The following SCN10A variants were observed in gnomAD, a reference collection of about 807,000 sequenced individuals.
The protein encoded by SCN10A is sodium channel protein type 10 subunit alpha.
A neutral mutation model predicts 170.7 loss-of-function variants in SCN10A; 162 were observed. That is an observed-to-expected ratio of 0.95 (90% CI 0.84 to 1.08). The LOEUF (loss-of-function observed/expected upper bound fraction) is 1.08. Ranked by LOEUF, SCN10A falls within the 50% of genes least tolerant of loss-of-function variation. The pLI is 0.00. For missense variants in SCN10A, 2,527 were observed against 2,436.9 expected, an observed-to-expected ratio of 1.04 and a Z score of -0.78; for synonymous variants, 985 against 904.6, an observed-to-expected ratio of 1.09 and a Z score of -1.59.
At chr3:38,749,425 G>A (rs752360938) in intron 13 of SCN10A, among the ~76,000 whole-genome samples, 5 of 152,178 alleles carry the variant, frequency 3.3e-5, no homozygotes, top group Non-Finnish European at 5.9e-5. Context: ...ATGCAATCAC[G>A]CTCTATGGCA....
chr3:38,707,131 C>T (rs751778116), intron 26 of SCN10A, 148 bp downstream of exon 26: 61 of 722,588 alleles, frequency 8.4e-5, no homozygotes, highest in Non-Finnish European at 8.3e-5. Flanking sequence ...TTCCTTGGGC[C>T]TAGGAACCCT....
intron 15 of SCN10A, among the ~76,000 whole-genome samples, chr3:38,736,361 CTGTGTGTGTG>C (rs68001863): frequency 0.054 from 7,494 of 139,446 alleles, 253 homozygotes; most frequent in East Asian, 0.19. Flanking sequence ...TAGGGAAACT[CTGTGTGTGTG>C]TGTGTGTGTG....
intron 11 of SCN10A, among the ~76,000 whole-genome samples, chr3:38,755,182 A>T (rs1208288605): frequency 6.6e-6 from 1 of 152,112 alleles, no homozygotes; most frequent in Non-Finnish European, 1.5e-5. Context: ...CTTGAATTGC[A>T]GGACCTTAGG....
chr3:38,723,602 G>A lies in SCN10A; in HGVS notation c.3229-49C>T, dbSNP rs553445383. 69 of 1,547,072 alleles carry A rather than the reference G, an allele frequency of 4.5e-5. No individual in the cohort carries two copies. The African/African-American group carries it at 5.3e-4, about 12-fold the overall frequency. The stretch of plus-strand genomic sequence containing the variant: ...GTGAACTCGTCTCTCCGCGGGGCCC[G>A]GGGAATTGCACACGGTCACTGCAGG... On this transcript the variant is annotated intron_variant, in intron 18 of 27. Transcript: ENST00000449082.
chr3:38,711,779 T>C (rs1414038812), intron 23 of SCN10A, among the ~76,000 whole-genome samples: 1 of 152,232 alleles, frequency 6.6e-6, no homozygotes, highest in Non-Finnish European at 1.5e-5. Context: ...CAACATTATA[T>C]ATCATTACAA....
At chr3:38,781,574 C>T (rs544103213) in intron 4 of SCN10A, among the ~76,000 whole-genome samples, 1 of 152,252 alleles carries the variant, frequency 6.6e-6, no homozygotes, top group South Asian at 2.1e-4. Flanking sequence ...AGCATCTGAA[C>T]AACTTTTTGC....
At chr3:38,792,254 T>C in intron 2 of SCN10A, 86 bp from the exon 3 acceptor site, 1 of 1,534,642 alleles carries the variant, frequency 6.5e-7, no homozygotes, top group Non-Finnish European at 8.8e-7. Flanking sequence ...AGAGGCATTA[T>C]CTCAGGCTTA....
chr3:38,700,612 A>T (rs1413400800), intron 27 of SCN10A, among the ~76,000 whole-genome samples: 1 of 152,198 alleles, frequency 6.6e-6, no homozygotes, highest in Non-Finnish European at 1.5e-5. Context: ...TACCTCAATA[A>T]AGTGTTAAAA....
chr3:38,757,271 TCCTC>T, intron 8 of SCN10A, 112 bp from the exon 9 acceptor site: 55 of 1,041,374 alleles, frequency 5.3e-5, no homozygotes, highest in South Asian at 1.8e-4. Flanking sequence ...GACCTAGTCT[TCCTC>T]TTATTAGCAG....
At chr3:38,729,108 T>C (rs1266826356) in intron 15 of SCN10A, among the ~76,000 whole-genome samples, 2 of 152,226 alleles carry the variant, frequency 1.3e-5, no homozygotes, top group South Asian at 2.1e-4. Context: ...GGTTCATAAG[T>C]ATCAATGTGC....
rs1434381299 is a variant in SCN10A at position 38,721,880 on chromosome 3, GAGGGTGGGAAGCC to G, written c.3507+365_3507+377del. 5.3e-5 allele frequency among the ~76,000 whole-genome samples: 8 copies of G among 152,378 alleles called. No homozygotes were observed. In the South Asian group the frequency reaches 1.4e-3, roughly 28 times the overall value. ...AGAAGGCCGTGTGTTGGGGAGGTCAGAGGGTGGGAAGCCAGGGGCTTCGGGATTAAATAAGGGC... is the reference window on the plus strand; with the variant it reads ...AGAAGGCCGTGTGTTGGGGAGGTCAGAGGGGCTTCGGGATTAAATAAGGGC... On this transcript the variant is annotated intron_variant, in intron 20 of 27. Coordinates refer to ENST00000449082, the MANE Select transcript of SCN10A (RefSeq NM_006514.4).
chr3:38,769,607 T>G (rs192268894), intron 5 of SCN10A, among the ~76,000 whole-genome samples: 43 of 152,346 alleles, frequency 2.8e-4, no homozygotes, highest in Non-Finnish European at 5.7e-4. Context: ...GGAGCTAGTT[T>G]GATCTTTTGA....
chr3:38,737,795 T>TCTCTCTC, intron 15 of SCN10A, among the ~76,000 whole-genome samples: 1 of 94,184 alleles, frequency 1.1e-5, no homozygotes, highest in Admixed American at 1.3e-4. Flanking sequence ...CCTCCCTCCC[T>TCTCTCTC]TCCTCTTTCT....
chr3:38,749,165 T>C lies in SCN10A; in HGVS notation c.1867+908A>G, dbSNP rs146689576. On this transcript the variant is annotated intron_variant, in intron 13 of 27. Transcript: ENST00000449082. ...CTCTGTTTTGAAATCCCTCAAACATTTTTTTGGTTTCTATTGCTCACCACT... is the reference window on the plus strand; with the variant it reads ...CTCTGTTTTGAAATCCCTCAAACATCTTTTTGGTTTCTATTGCTCACCACT... 7.5e-4 allele frequency among the ~76,000 whole-genome samples: 114 copies of C among 152,312 alleles called. 3 individuals carry two copies. Among genetic ancestry groups the C allele is most frequent in the African/African-American group, 2.5e-3 (106 of 41,584 alleles).
At chr3:38,799,955 C>T (rs2064361740) in intron 1 of SCN10A, among the ~76,000 whole-genome samples, 1 of 152,148 alleles carries the variant, frequency 6.6e-6, no homozygotes, top group Admixed American at 6.5e-5. Context: ...TCTCTGGGAT[C>T]CCTGGTCCAT....
chr3:38,744,315 AG>A (rs1429421500), intron 13 of SCN10A, among the ~76,000 whole-genome samples: 1 of 152,004 alleles, frequency 6.6e-6, no homozygotes, highest in African/African-American at 2.4e-5. Flanking sequence ...TGCAGTGTTT[AG>A]GGTTTTTTTT....
At chr3:38,809,626 G>A (rs1354670226) in intron 1 of SCN10A, among the ~76,000 whole-genome samples, 2 of 152,198 alleles carry the variant, frequency 1.3e-5, no homozygotes, top group Admixed American at 6.5e-5. Flanking sequence ...ACACAGGTCT[G>A]TAATAAACCC....
intron 21 of SCN10A, 83 bp downstream of exon 21, chr3:38,718,570 C>G: frequency 2.1e-6 from 3 of 1,459,288 alleles, no homozygotes; most frequent in Non-Finnish European, 2.8e-6. Context: ...AGGGCCAGGT[C>G]TCTGAGCTTC....
Position 38,739,685 on chromosome 3 carries a change from A to G in SCN10A, c.2110T>C (p.Phe704Leu). 6.2e-7 allele frequency: 1 copy of G among 1,611,798 alleles called. No homozygotes were observed. The highest frequency in any genetic ancestry group is 8.5e-7 in the Non-Finnish European group (1 of 1,178,194). The change falls in exon 15 of 28, where the codon TTT (phenylalanine) becomes CTT (leucine). Residue 704 changes from phenylalanine (F) to leucine (L), a missense_variant. Phe to Leu is a conservative substitution (Grantham distance 22). Coordinates refer to ENST00000449082, the MANE Select transcript of SCN10A (RefSeq NM_006514.4). ...EAMLQIGNIV[F>L]TIFFTAEMVF... ...ATTTCAGCAGTAAAAAATATGGTAA[A>G]GACCTAGGAGTGGAAACAAGCTTTC...
Sources: gnomAD v4.1 joint callset for allele counts (sites outside exome capture counted in the v4.1 genomes callset) on GRCh38, gnomAD v4.1.1 for gene constraint, MANE v1.5 for transcripts, NCBI Gene and HGNC (gene_info 2026-07-23, HGNC 2026-07-21) for gene names.